IDS: variants seen among roughly 807,000 people sequenced by gnomAD.
IDS encodes the protein iduronate 2-sulfatase.
IDS carries 1 observed loss-of-function variant against 33.5 expected under a neutral mutation model. The observed-to-expected ratio is 0.03, with a 90% CI of 0.01 to 0.14. The LOEUF (loss-of-function observed/expected upper bound fraction) is 0.14. Among genes scored for constraint, IDS ranks in the 10% least tolerant of loss-of-function variants. The pLI is 1.00. For missense variants in IDS, 328 were observed against 448.0 expected, an observed-to-expected ratio of 0.73 and a Z score of 2.42; for synonymous variants, 191 against 184.4, an observed-to-expected ratio of 1.04 and a Z score of -0.29.
chrX:149,490,309 C>T lies in IDS; in HGVS notation c.1006+5G>A. 1.7e-6 allele frequency: 2 copies of T among 1,210,645 alleles called. No homozygotes were observed. Among genetic ancestry groups the T allele is most frequent in the Non-Finnish European group, 2.2e-6 (2 of 894,504 alleles). ...TGACTCACCAGGGAATTTCAAAATG[C>T]TTACCATGATCCGAGGTAAATGCAA... is the stretch of plus-strand genomic sequence containing the variant. On this transcript the variant is annotated splice_donor_5th_base_variant and intron_variant, in intron 7 of 8. Transcript: ENST00000340855.
At chrX:149,496,574 G>C in intron 5 of IDS, 58 bp from the exon 6 acceptor site, 2 of 1,133,488 alleles carry the variant, frequency 1.8e-6, no homozygotes, top group Non-Finnish European at 2.4e-6. Flanking sequence ...GCACAAGCTT[G>C]TGGCTCTATC....
rs1214276270 is a variant in IDS, at chrX:149,496,466, G to C, written c.759C>G (p.Pro253=). Residue 253 remains proline, a synonymous_variant, in exon 6 of 9, where the codon CCC becomes CCG. Coordinates refer to ENST00000340855, the MANE Select transcript of IDS (RefSeq NM_000202.8). ...PLENITLAPD[P]EVPDGLPPVA... is the part of the protein sequence containing the mutation. Reference sequence around the variant, plus strand: ...CAGGGGGTAGGCCATCAGGGACCTCGGGATCGGGGGCCAGGGTGATGTTCT... The same window carrying C: ...CAGGGGGTAGGCCATCAGGGACCTCCGGATCGGGGGCCAGGGTGATGTTCT... 1.7e-6 allele frequency: 2 copies of C among 1,211,046 alleles called. No individual in the cohort carries two copies. Among genetic ancestry groups the C allele is most frequent in the Non-Finnish European group, 2.2e-6 (2 of 895,002 alleles).
chrX:149,484,420 C>G (rs1399081981), intron 8 of IDS, among the ~76,000 whole-genome samples: 1 of 112,530 alleles, frequency 8.9e-6, no homozygotes, highest in Non-Finnish European at 1.9e-5. Flanking sequence ...CTCCCAGGTT[C>G]AAGTGATTCT....
intron 7 of IDS, among the ~76,000 whole-genome samples, chrX:149,488,609 AG>A (rs2089361424): frequency 9.3e-6 from 1 of 107,351 alleles, no homozygotes; most frequent in Non-Finnish European, 1.9e-5. Context: ...CACCAGGCAG[AG>A]GGGGCCCCCA....
intron 8 of IDS, among the ~76,000 whole-genome samples, chrX:149,485,911 A>C (rs2124002581): frequency 8.9e-6 from 1 of 112,352 alleles, no homozygotes; most frequent in South Asian, 3.7e-4. Flanking sequence ...AGAAAGATCC[A>C]GAAAGGCCCG....
At chrX:149,496,129 G>GT (rs1348445731) in intron 6 of IDS, among the ~76,000 whole-genome samples, 1 of 112,450 alleles carries the variant, frequency 8.9e-6, no homozygotes, top group Admixed American at 9.3e-5. Flanking sequence ...TCTTTAGAAA[G>GT]TAAGACACTG....
At chrX:149,494,703 C>A in intron 6 of IDS, among the ~76,000 whole-genome samples, 1 of 112,038 alleles carries the variant, frequency 8.9e-6, no homozygotes, top group Non-Finnish European at 1.9e-5. Context: ...TAGCTCCGTG[C>A]AGCCGACACG....
chrX:149,478,871 AAT>A lies in IDS; in HGVS notation c.*3873_*3874del, dbSNP rs2089279708. On this transcript the variant is annotated 3_prime_UTR_variant, in exon 9 of 9. Coordinates refer to ENST00000340855, the MANE Select transcript of IDS (RefSeq NM_000202.8). ...AAAACCTATCACACAGGAAAAGATA[AAT>A]ATGTTTGATTATTTTAAAAGGTGAA... is the stretch of plus-strand genomic sequence containing the variant. The A allele has an allele frequency of 8.9e-6, 1 of 112,852 alleles. No individual in the cohort carries two copies. Among genetic ancestry groups the A allele is most frequent in the South Asian group, 3.6e-4 (1 of 2,787 alleles). The allele number at this position is 112,852 out of a possible 1,213,427, so 9.3% of individuals were successfully genotyped here.
At chrX:149,499,648 G>A (rs886807870) in intron 4 of IDS, among the ~76,000 whole-genome samples, 1 of 110,859 alleles carries the variant, frequency 9.0e-6, no homozygotes, top group Non-Finnish European at 1.9e-5. Flanking sequence ...GCATAGCTCC[G>A]TGAGTATGCT....
intron 7 of IDS, 102 bp from the exon 8 acceptor site, chrX:149,487,200 A>C (rs1557338177): frequency 2.5e-6 from 3 of 1,205,719 alleles, no homozygotes; most frequent in Non-Finnish European, 3.4e-6. Flanking sequence ...AAACCAGAGG[A>C]AGTAGAAACT....
chrX:149,503,346 A>G lies in IDS; in HGVS notation c.384T>C (p.Tyr128=). Residue 128 remains tyrosine (Y), a synonymous_variant, in exon 3 of 9, where the codon TAT becomes TAC. Transcript: ENST00000340855. ...TIPQYFKENG[Y]VTMSVGKVFH... is the part of the protein sequence containing the mutation. ...AGACTTTTCCCACCGACATGGTCAC[A>G]TAGCCATTCTCCTTGAAGTACTGGG... 1 of 1,206,283 alleles carries G rather than the reference A, an allele frequency of 8.3e-7. No homozygotes were observed. Among genetic ancestry groups the G allele is most frequent in the Non-Finnish European group, 1.1e-6 (1 of 892,763 alleles).
Position 149,478,116 on chromosome X carries a change from G to C in IDS, c.*4630C>G, listed in dbSNP as rs1557337046. 8.9e-6 allele frequency: 1 copy of C among 112,132 alleles called. No individual in the cohort carries two copies. The highest frequency in any genetic ancestry group is 2.8e-4 in the East Asian group (1 of 3,579). The allele number at this position is 112,132 out of a possible 1,213,427, so 9.2% of individuals were successfully genotyped here. ...CACACAGTAAGGTATGGACAGCTTG[G>C]GAACCTGACAGGCGGCAAAAGATTG... On this transcript the variant is annotated 3_prime_UTR_variant, in exon 9 of 9. Coordinates refer to ENST00000340855, the MANE Select transcript of IDS (RefSeq NM_000202.8).
chrX:149,495,491 T>C (rs1254750403), intron 6 of IDS: 13 of 100,179 alleles, frequency 1.3e-4, no homozygotes, highest in Non-Finnish European at 2.3e-4. Context: ...TTTTAAGAAA[T>C]GTCGGTTGTC....
At chrX:149,499,496 T>C (rs1316905663) in intron 4 of IDS, 1 of 110,012 alleles carries the variant, frequency 9.1e-6, no homozygotes, top group Non-Finnish European at 1.9e-5. Context: ...ATGGACAAAA[T>C]AGGCAAATCC....
intron 7 of IDS, among the ~76,000 whole-genome samples, chrX:149,487,615 C>T (rs1557338260): frequency 1.8e-5 from 2 of 112,552 alleles, no homozygotes; most frequent in Non-Finnish European, 3.7e-5. Context: ...AAGACAAGGA[C>T]ATCTTCGTTG....
Position 149,505,133 on chromosome X carries a change from G to C in IDS, c.5C>G (p.Pro2Arg). 8.4e-7 allele frequency: 1 copy of C among 1,189,380 alleles called. No homozygotes were observed. Among genetic ancestry groups the C allele is most frequent in the Non-Finnish European group, 1.1e-6 (1 of 878,052 alleles). ...AAGGCCTCGGCCGGTCCGGGGTGGC[G>C]GCATTTCGGCTTCGACGCGGCCGCT... M[P>R]PPRTGRGLLW... The change falls in exon 1 of 9, where the codon CCG becomes CGG. Residue 2 changes from proline to arginine, a missense_variant. Coordinates refer to ENST00000340855, the MANE Select transcript of IDS (RefSeq NM_000202.8).
At chrX:149,494,908 TG>T (rs1837960509) in intron 6 of IDS, among the ~76,000 whole-genome samples, 1 of 111,928 alleles carries the variant, frequency 8.9e-6, no homozygotes, top group Non-Finnish European at 1.9e-5. Context: ...CCCACACTGC[TG>T]GGAACCAACA....
chrX:149,481,653 A>G lies in IDS; in HGVS notation c.*1093T>C, dbSNP rs781855533. ...TTCCATCCCTTTTGAGATTATATAC[A>G]CTAAGCTTTTTACTACCACTGGCCT... On this transcript the variant is annotated 3_prime_UTR_variant, in exon 9 of 9. Transcript: ENST00000340855. 8.9e-6 allele frequency: 1 copy of G among 112,270 alleles called. No individual in the cohort carries two copies. Among genetic ancestry groups the G allele is most frequent in the South Asian group, 3.7e-4 (1 of 2,705 alleles). The allele number at this position is 112,270 out of a possible 1,213,427, so 9.3% of individuals were successfully genotyped here.
chrX:149,498,963 G>A (rs1252739188), intron 4 of IDS, among the ~76,000 whole-genome samples: 1 of 112,266 alleles, frequency 8.9e-6, no homozygotes, highest in African/African-American at 3.2e-5. Flanking sequence ...AATGTCGAGG[G>A]CAGCATTATT....
Sources: allele counts gnomAD v4.1 joint callset (sites outside exome capture counted in the v4.1 genomes callset), GRCh38; gene constraint gnomAD v4.1.1; transcripts MANE v1.5; gene names NCBI Gene and HGNC (gene_info 2026-07-23, HGNC 2026-07-21).